Variants in OLFM2 observed in about 807,000 individuals in gnomAD.
OLFM2 encodes the protein olfactomedin 2.
OLFM2 carries 20 observed loss-of-function variants against 43.9 expected under a neutral mutation model. The ratio of observed to expected loss-of-function variants is 0.46; its 90% CI spans 0.32 to 0.66. The LOEUF (loss-of-function observed/expected upper bound fraction) is 0.66, where lower values mean the gene tolerates loss of function less well. Ranked by LOEUF, OLFM2 falls within the 30% of genes least tolerant of loss-of-function variation. The probability of loss-of-function intolerance (pLI) is 0.04; values close to 1 mark genes in which losing one functional copy is unlikely to be tolerated. For synonymous variants in OLFM2, 268 were observed against 278.6 expected, an observed-to-expected ratio of 0.96 and a Z score of 0.38; for missense variants, 416 against 643.6, an observed-to-expected ratio of 0.65 and a Z score of 3.83.
intron 1 of OLFM2, among the ~76,000 whole-genome samples, chr19:9,865,925 G>A (rs1204006470): frequency 6.6e-6 from 1 of 151,854 alleles, no homozygotes; most frequent in Non-Finnish European, 1.5e-5. Context: ...AACCCCCAAG[G>A]AATATCTTTT....
Position 9,928,226 on chromosome 19 carries a change from C to T in OLFM2, c.63+8078G>A, listed in dbSNP as rs951550574. ...ACCCTGCGTCTTAAAAAAAAAAAAA[C>T]AAAATAAAATTTAAAAAGAACCCGG... On this transcript the variant is annotated intron_variant, in intron 1 of 5. Coordinates refer to ENST00000264833, the MANE Select transcript of OLFM2 (RefSeq NM_058164.4). Among the ~76,000 whole-genome samples the T allele has an allele frequency of 1.4e-5, 2 of 148,004 alleles. 1 individual carries two copies. The highest frequency in any genetic ancestry group is 3.0e-5 in the Non-Finnish European group (2 of 67,216).
rs1349935321 is a variant in OLFM2 at position 9,913,626 on chromosome 19, C to G, written c.63+22678G>C. 5 of 1,289,710 alleles carry G rather than the reference C, an allele frequency of 3.9e-6. No homozygotes were observed. In the African/African-American group the frequency reaches 6.3e-5, roughly 16 times the overall value. 79.9% of individuals were successfully genotyped at this position (1,289,710 alleles called of 1,614,324 possible). A position where few individuals can be genotyped will look rare whatever the true frequency, so the allele number is the denominator to read the frequency against. On this transcript the variant is annotated intron_variant, in intron 1 of 5. Coordinates refer to ENST00000264833, the MANE Select transcript of OLFM2 (RefSeq NM_058164.4). ...AGCAGCGGCACCGACATCGCGCCTC[C>G]GCCTCATGCCCCGCGGCCGCCCGCC...
At chr19:9,920,347 A>G (rs891725618) in intron 1 of OLFM2, among the ~76,000 whole-genome samples, 5 of 152,122 alleles carry the variant, frequency 3.3e-5, no homozygotes, top group African/African-American at 9.7e-5. Context: ...GCACTGTACT[A>G]ACACAAGAAT....
chr19:9,866,185 G>A (rs2046401404), intron 1 of OLFM2, among the ~76,000 whole-genome samples: 1 of 152,158 alleles, frequency 6.6e-6, no homozygotes, highest in African/African-American at 2.4e-5. Context: ...CTGCCAGATC[G>A]CAGCAGGCAG....
chr19:9,913,669 C>A (rs1287394667), intron 1 of OLFM2: 4 of 1,140,736 alleles, frequency 3.5e-6, no homozygotes, highest in Non-Finnish European at 4.3e-6. Context: ...CCTTCTCTGG[C>A]CCGCCGCGGG....
intron 2 of OLFM2, among the ~76,000 whole-genome samples, chr19:9,859,207 A>G (rs1472323732): frequency 6.6e-6 from 1 of 152,064 alleles, no homozygotes; most frequent in Admixed American, 6.5e-5. Flanking sequence ...ATTTTTACAT[A>G]CTCTTCCCTT....
At chr19:9,936,046 G>A (rs1262178060) in intron 1 of OLFM2, among the ~76,000 whole-genome samples, 2 of 151,730 alleles carry the variant, frequency 1.3e-5, no homozygotes, top group African/African-American at 2.4e-5. Context: ...GGGGCTCGGG[G>A]CCATGGAGGG....
intron 2 of OLFM2, 38 bp downstream of exon 2, chr19:9,860,607 T>C (rs543237752): frequency 6.4e-7 from 1 of 1,554,686 alleles, no homozygotes; most frequent in Admixed American, 1.9e-5. Context: ...ACTGGGAGAT[T>C]TTCCCAGCTG....
chr19:9,895,160 A>G (rs966794936), intron 1 of OLFM2, among the ~76,000 whole-genome samples: 1 of 152,096 alleles, frequency 6.6e-6, no homozygotes, highest in Admixed American at 6.6e-5. Context: ...CTTCATCTCT[A>G]TCACCATGCA....
chr19:9,900,988 A>AAGGAAGGAAGGAAGGGAGGG lies in OLFM2; in HGVS notation c.63+35315_63+35316insCCCTCCCTTCCTTCCTTCCT, dbSNP rs1401980050. 9.6e-3 allele frequency among the ~76,000 whole-genome samples: 272 copies of AAGGAAGGAAGGAAGGGAGGG among 28,342 alleles called. 2 individuals carry two copies. Among genetic ancestry groups the AAGGAAGGAAGGAAGGGAGGG allele is most frequent in the Non-Finnish European group, 0.012 (218 of 18,592 alleles). 18.6% of individuals were successfully genotyped at this position (28,342 alleles called of 152,430 possible). A position where few individuals can be genotyped will look rare whatever the true frequency, so the allele number is the denominator to read the frequency against. ...GAAGGAAGGAAGGAAGGAAGGAAGG[A>AAGGAAGGAAGGAAGGGAGGG]AGGGAGGGAGGGGGGAGGGAGGGAA... On this transcript the variant is annotated intron_variant, in intron 1 of 5. Coordinates refer to ENST00000264833, the MANE Select transcript of OLFM2 (RefSeq NM_058164.4).
Position 9,856,766 on chromosome 19 carries a change from C to T in OLFM2, c.687+41G>A, listed in dbSNP as rs2046321012. Reference sequence around the variant, plus strand: ...CCTATGGGCAGTCAAAGGCTCTGTCCCTCCCAGGCCCTGACCCCAGGGGTG... The same window carrying T: ...CCTATGGGCAGTCAAAGGCTCTGTCTCTCCCAGGCCCTGACCCCAGGGGTG... On this transcript the variant is annotated intron_variant, in intron 5 of 5. Transcript: ENST00000264833. This position sits in a 1 kb window ranked among gnomAD's most constrained non-coding sequence, Gnocchi z 4.0. 1.3e-6 allele frequency: 2 copies of T among 1,526,470 alleles called. No homozygotes were observed. Among genetic ancestry groups the T allele is most frequent in the South Asian group, 1.2e-5 (1 of 86,816 alleles). The allele number at this position is 1,526,470 out of a possible 1,614,324, so 94.6% of individuals were successfully genotyped here. A position where few individuals can be genotyped will look rare whatever the true frequency, so the allele number is the denominator to read the frequency against.
At chr19:9,870,756 C>T (rs531516852) in intron 1 of OLFM2, among the ~76,000 whole-genome samples, 6 of 152,292 alleles carry the variant, frequency 3.9e-5, no homozygotes, top group Admixed American at 2.0e-4. Flanking sequence ...GTCCCTGCCA[C>T]GCGTTACCCT....
chr19:9,918,684 T>C (rs1599500244), intron 1 of OLFM2, among the ~76,000 whole-genome samples: 1 of 152,184 alleles, frequency 6.6e-6, no homozygotes, highest in African/African-American at 2.4e-5. Flanking sequence ...CATTCCACCA[T>C]AAAAAGGAAT....
intron 1 of OLFM2, among the ~76,000 whole-genome samples, chr19:9,888,521 C>A (rs1235660428): frequency 1.1e-4 from 15 of 138,664 alleles, no homozygotes; most frequent in South Asian, 2.3e-4. Flanking sequence ...GACCTTACCT[C>A]AAAAAAAAAA....
At chr19:9,881,516 G>A (rs914054361) in intron 1 of OLFM2, among the ~76,000 whole-genome samples, 5 of 152,072 alleles carry the variant, frequency 3.3e-5, no homozygotes, top group African/African-American at 1.2e-4. Flanking sequence ...AGTTCTGGAG[G>A]CCGGAAGTCA....
At chr19:9,920,990 G>T (rs1445630371) in intron 1 of OLFM2, among the ~76,000 whole-genome samples, 2 of 152,046 alleles carry the variant, frequency 1.3e-5, no homozygotes, top group African/African-American at 4.8e-5. Context: ...TAATTGCTGA[G>T]ATTTATTTAG....
intron 1 of OLFM2, among the ~76,000 whole-genome samples, chr19:9,915,273 C>T (rs1392538914): frequency 1.4e-5 from 2 of 146,814 alleles, no homozygotes; most frequent in Non-Finnish European, 3.0e-5. Context: ...ATGGGCATCT[C>T]GCTATGTTGC....
chr19:9,924,830 G>C (rs948049146), intron 1 of OLFM2, among the ~76,000 whole-genome samples: 2 of 151,960 alleles, frequency 1.3e-5, no homozygotes, highest in Non-Finnish European at 2.9e-5. Context: ...TCAGGCATCA[G>C]ATCTAGTGCT....
intron 1 of OLFM2, among the ~76,000 whole-genome samples, chr19:9,896,237 A>G (rs1400145293): frequency 6.6e-6 from 1 of 150,454 alleles, no homozygotes; most frequent in African/African-American, 2.5e-5. Context: ...AGTAGCTGGG[A>G]CTACAGGCGC....
Sources: gnomAD v4.1 joint callset for allele counts (sites outside exome capture counted in the v4.1 genomes callset) on GRCh38, gnomAD v4.1.1 for gene constraint, Gnocchi (gnomAD v3.1) non-coding constraint, MANE v1.5 for transcripts, NCBI Gene and HGNC (gene_info 2026-07-23, HGNC 2026-07-21) for gene names.